RLN2: variants seen among roughly 807,000 people sequenced by gnomAD.
RLN2 encodes the protein relaxin 2, also known as prorelaxin H2.
In RLN2, 10 loss-of-function variants were observed where a neutral mutation model predicts 7.3. The observed-to-expected ratio is 1.36, with a 90% CI of 0.84 to 2.31. The LOEUF is 2.31. Ranked by LOEUF, RLN2 falls within the 30% of genes most tolerant of loss-of-function variation. RLN2 has a pLI of 0.00. For synonymous variants in RLN2, 103 were observed against 82.3 expected, an observed-to-expected ratio of 1.25 and a Z score of -1.36; for missense variants, 298 against 217.6, an observed-to-expected ratio of 1.37 and a Z score of -2.32.
the RLN2 span, among the ~76,000 whole-genome samples, chr9:5,321,448 A>T: frequency 6.6e-6 from 1 of 152,034 alleles, no homozygotes; most frequent in South Asian, 2.1e-4. Flanking sequence ...AGCTTGATTT[A>T]CACTTTGTAT....
the RLN2 span, among the ~76,000 whole-genome samples, chr9:5,336,829 G>A: frequency 6.6e-6 from 1 of 151,846 alleles, no homozygotes; most frequent in Admixed American, 6.6e-5. Context: ...GCAGACACCT[G>A]GTTAACCACT....
At chr9:5,305,208 T>C (rs1378502578), upstream of RLN2, among the ~76,000 whole-genome samples, 2 of 152,026 alleles carry the variant, frequency 1.3e-5, no homozygotes, top group Non-Finnish European at 2.9e-5. Context: ...AGTAACATCA[T>C]GTTAGGCTTG....
intron 1 of RLN2, among the ~76,000 whole-genome samples, chr9:5,301,943 G>C (rs1816150468): frequency 6.6e-6 from 1 of 152,102 alleles, no homozygotes; most frequent in Non-Finnish European, 1.5e-5. Context: ...GGTTAAATGA[G>C]AGGTTTTGGC....
At chr9:5,319,012 C>A in the RLN2 span, among the ~76,000 whole-genome samples, 14 of 151,922 alleles carry the variant, frequency 9.2e-5, no homozygotes, top group African/African-American at 3.4e-4. Flanking sequence ...AGCCTCTTAA[C>A]CTTATAGTGA....
the RLN2 span, among the ~76,000 whole-genome samples, chr9:5,319,406 T>C: frequency 2.0e-5 from 3 of 151,894 alleles, no homozygotes; most frequent in Non-Finnish European, 4.4e-5. Flanking sequence ...GGAGAAAACA[T>C]GAACTGAATG....
upstream of RLN2, among the ~76,000 whole-genome samples, chr9:5,307,654 C>G (rs192300840): frequency 2.1e-4 from 32 of 152,068 alleles, no homozygotes; most frequent in African/African-American, 7.0e-4. Context: ...GCATCTTTGT[C>G]TTGTCCAAGT....
the RLN2 span, among the ~76,000 whole-genome samples, chr9:5,328,452 G>T: frequency 6.6e-6 from 1 of 152,060 alleles, no homozygotes; most frequent in African/African-American, 2.4e-5. Context: ...TACTGGAAGT[G>T]ACGGGGAGAA....
the RLN2 span, among the ~76,000 whole-genome samples, chr9:5,311,171 A>G: frequency 0.59 from 89,674 of 151,762 alleles, 28,752 homozygotes; most frequent in African/African-American, 0.83. Context: ...AATCTCTAAG[A>G]TTAGGAAAAA....
the RLN2 span, among the ~76,000 whole-genome samples, chr9:5,333,324 C>T: frequency 1.3e-5 from 2 of 151,806 alleles, no homozygotes; most frequent in African/African-American, 4.9e-5. Context: ...AAACACAATC[C>T]AAATGATAAG....
At chr9:5,319,851 A>G in the RLN2 span, among the ~76,000 whole-genome samples, 1 of 152,048 alleles carries the variant, frequency 6.6e-6, no homozygotes, top group Non-Finnish European at 1.5e-5. Flanking sequence ...TGAAGTCAGA[A>G]AATATGGATT....
At chr9:5,314,857 C>G in the RLN2 span, among the ~76,000 whole-genome samples, 1 of 151,624 alleles carries the variant, frequency 6.6e-6, no homozygotes, top group African/African-American at 2.4e-5. Context: ...TCCCTCGTGT[C>G]CTGGGGCCTA....
At chr9:5,329,145 T>C in the RLN2 span, among the ~76,000 whole-genome samples, 1 of 148,914 alleles carries the variant, frequency 6.7e-6, no homozygotes, top group South Asian at 2.1e-4. Flanking sequence ...CTACTAAAAA[T>C]ACAAAAAATT....
the RLN2 span, among the ~76,000 whole-genome samples, chr9:5,326,617 G>A: frequency 6.6e-6 from 1 of 152,014 alleles, no homozygotes; most frequent in Non-Finnish European, 1.5e-5. Flanking sequence ...AGGGGGGAGG[G>A]CATCAAACAG....
the RLN2 span, among the ~76,000 whole-genome samples, chr9:5,328,919 T>G: frequency 6.6e-6 from 1 of 151,974 alleles, no homozygotes; most frequent in Admixed American, 6.6e-5. Flanking sequence ...CCTTACGAGA[T>G]TTCCTGAAGG....
At chr9:5,305,943 TTTCATTAAAA>T (rs1197888388), upstream of RLN2, among the ~76,000 whole-genome samples, 2 of 151,862 alleles carry the variant, frequency 1.3e-5, no homozygotes, top group African/African-American at 4.8e-5. Flanking sequence ...TTAAATGAGT[TTTCATTAAAA>T]CACGCAGTTT....
At chr9:5,326,270 G>A in the RLN2 span, among the ~76,000 whole-genome samples, 1 of 152,028 alleles carries the variant, frequency 6.6e-6, no homozygotes, top group East Asian at 1.9e-4. Context: ...GGGATGAAAA[G>A]GCACCCAGGG....
upstream of RLN2, among the ~76,000 whole-genome samples, chr9:5,309,148 C>T (rs1019603955): frequency 6.6e-6 from 1 of 152,114 alleles, no homozygotes; most frequent in African/African-American, 2.4e-5. Flanking sequence ...ATTAAAACAA[C>T]CAACTACTAC....
the RLN2 span, among the ~76,000 whole-genome samples, chr9:5,319,458 G>T: frequency 6.6e-6 from 1 of 151,812 alleles, no homozygotes; most frequent in African/African-American, 2.4e-5. Flanking sequence ...TTTTTTTAAT[G>T]TAACTTTTCA....
chr9:5,333,365 C>T, the RLN2 span, among the ~76,000 whole-genome samples: 4 of 151,974 alleles, frequency 2.6e-5, no homozygotes, highest in African/African-American at 9.7e-5. Flanking sequence ...CACAGAAATA[C>T]AAACAACCAT....
Sources: allele counts gnomAD v4.1 joint callset (sites outside exome capture counted in the v4.1 genomes callset), GRCh38; gene constraint gnomAD v4.1.1; transcripts MANE v1.5; gene names NCBI Gene and HGNC (gene_info 2026-07-23, HGNC 2026-07-21).